Variants in FRAS1 observed in about 807,000 individuals in gnomAD.
FRAS1 encodes the protein extracellular matrix organizing protein FRAS1.
A neutral mutation model predicts 435.2 loss-of-function variants in FRAS1; 290 were observed. That is an observed-to-expected ratio of 0.67 (90% confidence interval 0.61 to 0.73). The LOEUF (loss-of-function observed/expected upper bound fraction) is 0.73, where lower values mean the gene tolerates loss of function less well. Among genes scored for constraint, FRAS1 ranks in the 30% least tolerant of loss-of-function variants. The pLI, the probability that FRAS1 is intolerant of heterozygous loss-of-function variation, is 0.00. For missense variants in FRAS1, 4,860 were observed against 5,001.5 expected (o/e 0.97, Z 0.85); for synonymous variants, 1,800 against 1,851.0 (o/e 0.97, Z 0.71).
intron 20 of FRAS1, among the ~76,000 whole-genome samples, chr4:78,356,476 C>T (rs533043940): frequency 6.6e-6 from 1 of 152,282 alleles, no homozygotes; most frequent in South Asian, 2.1e-4. Flanking sequence ...CCCAGTCATG[C>T]AAAGAGAAAC....
At chr4:78,508,651 G>A (rs1720925995) in intron 62 of FRAS1, 80 bp from the exon 63 acceptor site, 1 of 1,405,064 alleles carries the variant, frequency 7.1e-7, no homozygotes, top group Admixed American at 2.1e-5. Flanking sequence ...GAGATCTTGT[G>A]GATCTCTAAA....
chr4:78,511,380 C>A lies in FRAS1; in HGVS notation c.9887C>A (p.Thr3296Asn). The A allele has an allele frequency of 6.2e-7, 1 of 1,613,924 alleles. No individual in the cohort carries two copies. ...ACCCCCTTAAGGAGCAACATTGTTA[C>A]CATTGGAACAGACAGTGCTATCTGC... ...VGTPLRSNIV[T>N]IGTDSAICHT... The change falls in exon 64 of 74, where the codon ACC becomes AAC. Residue 3296 changes from threonine to asparagine, a missense_variant. By Grantham distance (65) the Thr-to-Asn change is moderately conservative. Coordinates refer to ENST00000512123, the MANE Select transcript of FRAS1 (RefSeq NM_025074.7).
chr4:78,434,633 T>C (rs972811122), intron 38 of FRAS1, among the ~76,000 whole-genome samples: 17 of 152,092 alleles, frequency 1.1e-4, no homozygotes, highest in Admixed American at 9.8e-4. Context: ...TGACTGACTA[T>C]GTAGAAAATA....
In FRAS1 at chr4:78,267,354, G is replaced by T. The variant is rs373613705; in HGVS notation, c.903G>T (p.Ser301=). Residue 301 remains serine (S), a synonymous_variant, in exon 9 of 74, where the codon TCG becomes TCT. Coordinates refer to ENST00000512123, the MANE Select transcript of FRAS1 (RefSeq NM_025074.7). ...VRYQDEMWKG[S]ACEFCMCDHG... Reference sequence around the variant, plus strand: ...ACCAGGACGAAATGTGGAAGGGCTCGGCCTGTGAGTTCTGCATGTGTGATC... The same window carrying T: ...ACCAGGACGAAATGTGGAAGGGCTCTGCCTGTGAGTTCTGCATGTGTGATC... 6.2e-7 allele frequency: 1 copy of T among 1,613,802 alleles called. No homozygotes were observed. The highest frequency in any genetic ancestry group is 8.5e-7 in the Non-Finnish European group (1 of 1,179,824).
At chr4:78,065,823 AT>A (rs951052937) in intron 1 of FRAS1, among the ~76,000 whole-genome samples, 161 bp from the exon 2 acceptor site, 4 of 152,200 alleles carry the variant, frequency 2.6e-5, no homozygotes, top group African/African-American at 9.6e-5. Flanking sequence ...GTATGGGGTT[AT>A]TTCCCCAGGG....
At chr4:78,492,599 A>G (rs982523188) in intron 59 of FRAS1, among the ~76,000 whole-genome samples, 1 of 152,250 alleles carries the variant, frequency 6.6e-6, no homozygotes, top group African/African-American at 2.4e-5. Flanking sequence ...CCATATGCAG[A>G]AAACTGAAAC....
intron 2 of FRAS1, among the ~76,000 whole-genome samples, chr4:78,089,886 T>C (rs1056653672): frequency 2.7e-5 from 4 of 149,006 alleles, no homozygotes; most frequent in South Asian, 2.2e-4. Context: ...CAATAGTTAC[T>C]TTTTCTGCTC....
At chr4:78,336,652 T>TTC (rs1730181728) in intron 19 of FRAS1, among the ~76,000 whole-genome samples, 4 of 152,010 alleles carry the variant, frequency 2.6e-5, no homozygotes, top group African/African-American at 9.7e-5. Flanking sequence ...TTTTTTTTTT[T>TTC]CTTAAATAAC....
intron 59 of FRAS1, among the ~76,000 whole-genome samples, chr4:78,490,046 C>T (rs1171668589): frequency 6.9e-6 from 1 of 145,194 alleles, no homozygotes; most frequent in African/African-American, 2.5e-5. Flanking sequence ...CAGCAAAGAT[C>T]AGAGAAGACA....
intron 20 of FRAS1, among the ~76,000 whole-genome samples, chr4:78,360,505 G>A (rs1286224452): frequency 3.3e-5 from 5 of 152,086 alleles, no homozygotes; most frequent in African/African-American, 1.2e-4. Context: ...ATTGAAAATT[G>A]GATCAAGAAT....
At chr4:78,286,753 C>T (rs1253819733) in intron 14 of FRAS1, among the ~76,000 whole-genome samples, 1 of 152,094 alleles carries the variant, frequency 6.6e-6, no homozygotes, top group Non-Finnish European at 1.5e-5. Context: ...TTATTCGGTT[C>T]TTATCAATAT....
At chr4:78,249,519 CA>C (rs1725433608) in intron 4 of FRAS1, among the ~76,000 whole-genome samples, 1 of 151,918 alleles carries the variant, frequency 6.6e-6, no homozygotes, top group South Asian at 2.1e-4. Context: ...GATGGGGTTT[CA>C]CCATGCTGAC....
intron 2 of FRAS1, among the ~76,000 whole-genome samples, chr4:78,077,072 C>G (rs1394873859): frequency 6.6e-6 from 1 of 152,140 alleles, no homozygotes; most frequent in African/African-American, 2.4e-5. Flanking sequence ...ATGAACTTGG[C>G]CTTGCATGGT....
chr4:78,197,036 A>C (rs905941533), intron 2 of FRAS1, among the ~76,000 whole-genome samples: 3 of 152,260 alleles, frequency 2.0e-5, no homozygotes, highest in African/African-American at 7.2e-5. Flanking sequence ...CAGGGCTATT[A>C]TGTGCTGGAA....
intron 2 of FRAS1, among the ~76,000 whole-genome samples, chr4:78,229,069 G>GATA (rs1340108033): frequency 6.6e-6 from 1 of 152,138 alleles, no homozygotes. Context: ...CAAGCCTGTG[G>GATA]GTATGGAGGT....
chr4:78,267,227 T>C lies in FRAS1; in HGVS notation c.790-14T>C, dbSNP rs780855838. 1 of 1,612,286 alleles carries C rather than the reference T, an allele frequency of 6.2e-7. No individual in the cohort carries two copies. Among genetic ancestry groups the C allele is most frequent in the South Asian group, 1.1e-5 (1 of 90,634 alleles). ...TCCTGAGGACTGCCCCTCACCTTCC[T>C]CTCTGTGTCCTAGGGTCAGAGCAGG... On this transcript the variant is annotated splice_polypyrimidine_tract_variant and intron_variant, in intron 8 of 73. Transcript: ENST00000512123.
rs1733861251 is a variant in FRAS1 at position 78,423,224 on chromosome 4, T to C, written c.4679-1164T>C. On this transcript the variant is annotated intron_variant, in intron 34 of 73. Transcript: ENST00000512123. ...CTCTGTCACCCAGGCTGGAGTGCAG[T>C]GGCATGATCTTGGCTCACTGCAACT... is the stretch of plus-strand genomic sequence containing the variant. Among the ~76,000 whole-genome samples, 5 of 152,112 alleles carry C rather than the reference T, an allele frequency of 3.3e-5. No homozygotes were observed. In the South Asian group the frequency reaches 1.0e-3, roughly 32 times the overall value.
intron 2 of FRAS1, among the ~76,000 whole-genome samples, chr4:78,195,947 CTTTT>C (rs66606732): frequency 1.4e-5 from 2 of 145,898 alleles, no homozygotes; most frequent in Non-Finnish European, 1.5e-5. Flanking sequence ...ATTCTTATTA[CTTTT>C]TTTTTTTTTT....
chr4:78,541,108 A>G lies in FRAS1; in HGVS notation c.12023A>G (p.Asp4008Gly), dbSNP rs1722038410. 1 of 1,385,526 alleles carries G rather than the reference A, an allele frequency of 7.2e-7. No individual in the cohort carries two copies. The highest frequency in any genetic ancestry group is 1.9e-4 in the Middle Eastern group (1 of 5,154). 85.8% of individuals were successfully genotyped at this position (1,385,526 alleles called of 1,614,324 possible). A position where few individuals can be genotyped will look rare whatever the true frequency, so the allele number is the denominator to read the frequency against. The change falls in exon 74 of 74, where the codon GAT (aspartate) becomes GGT (glycine). Residue 4008 changes from aspartate to glycine, a missense_variant. Coordinates refer to ENST00000512123, the MANE Select transcript of FRAS1 (RefSeq NM_025074.7). Reference sequence around the variant, plus strand: ...GTCAGAGTTCACAACAATTTACAAGATGGAACAGAAGTTTAATGGAGGAGA... The same window carrying G: ...GTCAGAGTTCACAACAATTTACAAGGTGGAACAGAAGTTTAATGGAGGAGA... ...LEVRVHNNLQDGTEV is the reference protein window; with the variant it reads ...LEVRVHNNLQGGTEV
Sources: gnomAD v4.1 joint callset for allele counts (sites outside exome capture counted in the v4.1 genomes callset) on GRCh38, gnomAD v4.1.1 for gene constraint, MANE v1.5 for transcripts, NCBI Gene and HGNC (gene_info 2026-07-23, HGNC 2026-07-21) for gene names.